Variants in MYH11 observed in about 807,000 individuals in gnomAD.
MYH11 encodes myosin-11.
A neutral mutation model predicts 246.6 loss-of-function variants in MYH11; 80 were observed. That is an observed-to-expected ratio of 0.32 (90% CI 0.27 to 0.39). MYH11 has a LOEUF of 0.39. MYH11 is among the 10% of genes least tolerant of loss of function. MYH11 has a pLI of 1.00. For synonymous variants in MYH11, 1,071 were observed against 1,015.5 expected (o/e 1.05, Z -1.04); for missense variants, 2,158 against 2,546.8 (o/e 0.85, Z 3.29).
chr16:15,794,216 G>A (rs1223860115), intron 4 of MYH11, among the ~76,000 whole-genome samples: 9 of 152,186 alleles, frequency 5.9e-5, no homozygotes, highest in Non-Finnish European at 1.0e-4. Context: ...AAAGTGCTGG[G>A]ATTACAGGCC....
At chr16:15,758,610 C>A (rs1464432985) in intron 12 of MYH11, among the ~76,000 whole-genome samples, 2 of 151,382 alleles carry the variant, frequency 1.3e-5, no homozygotes, top group African/African-American at 4.9e-5. Context: ...TTGAGACTAG[C>A]CTGGCCAACA....
In MYH11 at chr16:15,750,646, A is replaced by T. The variant is rs902395778; in HGVS notation, c.1865-315T>A. Among the ~76,000 whole-genome samples the T allele has an allele frequency of 1.3e-5, 2 of 152,110 alleles. No individual in the cohort carries two copies. The highest frequency in any genetic ancestry group is 4.8e-5 in the African/African-American group (2 of 41,412). ...CTCAGTCTCCCTTTCTACAAAAGGG[A>T]GGTAATAATACCGTCTACCTTCTAG... On this transcript the variant is annotated intron_variant, in intron 15 of 40. Coordinates refer to ENST00000300036, the MANE Select transcript of MYH11 (RefSeq NM_002474.3). This position sits in a 1 kb window ranked among gnomAD's most constrained non-coding sequence, Gnocchi z 4.3.
At chr16:15,732,107 A>G (rs2040980658) in intron 27 of MYH11, among the ~76,000 whole-genome samples, 1 of 151,196 alleles carries the variant, frequency 6.6e-6, no homozygotes, top group Non-Finnish European at 1.5e-5. Context: ...GATTACAGGC[A>G]TGCACCACCG....
chr16:15,766,939 C>T (rs564009980), intron 9 of MYH11, among the ~76,000 whole-genome samples: 35 of 152,190 alleles, frequency 2.3e-4, no homozygotes, highest in Non-Finnish European at 4.3e-4. Context: ...GCAAAGCACG[C>T]GCTCTGCAGT....
rs2042107902 is a variant in MYH11, at chr16:15,771,775, G to A, written c.890-63C>T. On this transcript the variant is annotated intron_variant, in intron 8 of 40. Coordinates refer to ENST00000300036, the MANE Select transcript of MYH11 (RefSeq NM_002474.3). ...ATACTTCTAATTTCAACATGAGACC[G>A]AGATCTGGTCAAGGGTCTGGGCCAT... 30 of 1,593,036 alleles carry A rather than the reference G, an allele frequency of 1.9e-5. No individual in the cohort carries two copies. In the South Asian group the frequency reaches 1.9e-4, roughly 10 times the overall value.
chr16:15,707,536 C>T (rs1221239063), intron 40 of MYH11, among the ~76,000 whole-genome samples: 5 of 152,170 alleles, frequency 3.3e-5, no homozygotes, highest in Non-Finnish European at 7.3e-5. Flanking sequence ...ATCTGCTCCC[C>T]CACAAAACTG....
intron 23 of MYH11, among the ~76,000 whole-genome samples, chr16:15,738,909 T>G (rs2041197095): frequency 6.6e-6 from 1 of 152,192 alleles, no homozygotes; most frequent in Admixed American, 6.5e-5. Context: ...TATGGTCAGC[T>G]AAAGGTACCC....
At position 15,712,882 on chromosome 16, in the gene MYH11, G is replaced by GTTTTTTTTTTTTTGTTTTTTTTTTTTTT. The variant is rs2039893465; in HGVS notation, c.5786+2026_5786+2027insAAAAAAAAAAAAAACAAAAAAAAAAAAA. ...GGGAACCAGCAACTCTTCACATACA[G>GTTTTTTTTTTTTTGTTTTTTTTTTTTTT]TTTTTTTTTTTTTGAGACCGAGTCT... On this transcript the variant is annotated intron_variant, in intron 40 of 40. Transcript: ENST00000300036. 4.4e-5 allele frequency: 4 copies of GTTTTTTTTTTTTTGTTTTTTTTTTTTTT among 90,632 alleles called. No individual in the cohort carries two copies. In the Admixed American group the frequency reaches 4.4e-4, roughly 10 times the overall value. 5.6% of individuals were successfully genotyped at this position (90,632 alleles called of 1,614,324 possible). A position where few individuals can be genotyped will look rare whatever the true frequency, so the allele number is the denominator to read the frequency against.
At chr16:15,833,377 G>GAGAGAGGGAGGAAGGAAGGA (rs2043798283) in intron 2 of MYH11, among the ~76,000 whole-genome samples, 1 of 50,930 alleles carries the variant, frequency 2.0e-5, no homozygotes. Context: ...GAGAGGGAGG[G>GAGAGAGGGAGGAAGGAAGGA]AGGGAGGGAG....
At chr16:15,807,366 G>A (rs1391794000) in intron 3 of MYH11, among the ~76,000 whole-genome samples, 2 of 152,114 alleles carry the variant, frequency 1.3e-5, no homozygotes, top group East Asian at 1.9e-4. Context: ...AGAAATGACC[G>A]TAAGAGATGA....
At chr16:15,787,056 G>A (rs536614746) in intron 4 of MYH11, among the ~76,000 whole-genome samples, 80 of 152,294 alleles carry the variant, frequency 5.3e-4, no homozygotes, top group Non-Finnish European at 8.5e-4. Context: ...AGGATCATTT[G>A]AGCCCAGGAG....
chr16:15,719,862 G>A lies in MYH11; in HGVS notation c.4954-149C>T, dbSNP rs1051829320. 1.7e-5 allele frequency: 21 copies of A among 1,206,574 alleles called. No homozygotes were observed. The African/African-American group carries it at 2.7e-4, about 16-fold the overall frequency. The allele number at this position is 1,206,574 out of a possible 1,614,324, so 74.7% of individuals were successfully genotyped here. ...GCACGAGCATGGCTCTCAGTTCCAG[G>A]TGGCTGGTGGTGCGCTGGGAGCACC... On this transcript the variant is annotated intron_variant, in intron 34 of 40. Coordinates refer to ENST00000300036, the MANE Select transcript of MYH11 (RefSeq NM_002474.3).
rs1191279805 is a variant in MYH11 at position 15,724,288 on chromosome 16, G to T, written c.4238C>A (p.Ala1413Asp). The change falls in exon 31 of 41, where the codon GCC becomes GAC. Residue 1413 changes from alanine (A) to aspartate (D), a missense_variant. Ala to Asp is a moderately radical substitution (Grantham distance 126). This residue lies in a region of MYH11 where 1,013 missense variants were observed against 993.5 expected (regional missense o/e 1.02). Coordinates refer to ENST00000300036, the MANE Select transcript of MYH11 (RefSeq NM_002474.3). ...GGTCTTTTCCAGTTTATCATAAGCG[G>T]CCGCCTTCTCCTCGTACTGCTGGGT... Reference protein sequence around the residue: ...NLTQQYEEKAAAYDKLEKTKN... With the variant: ...NLTQQYEEKADAYDKLEKTKN... 1 of 1,614,150 alleles carries T rather than the reference G, an allele frequency of 6.2e-7. No individual in the cohort carries two copies. Among genetic ancestry groups the T allele is most frequent in the Non-Finnish European group, 8.5e-7 (1 of 1,180,024 alleles).
chr16:15,784,719 C>T lies in MYH11; in HGVS notation c.633+1911G>A, dbSNP rs772565558. On this transcript the variant is annotated intron_variant, in intron 5 of 40. Transcript: ENST00000300036. ...TCACGTAGGCAAAAGATGGGCCTTGCTGTGGTTGAACAACACAGTATAAAA... is the reference window on the plus strand; with the variant it reads ...TCACGTAGGCAAAAGATGGGCCTTGTTGTGGTTGAACAACACAGTATAAAA... The T allele has an allele frequency of 1.2e-6, 2 of 1,613,904 alleles. No individual in the cohort carries two copies. Among genetic ancestry groups the T allele is most frequent in the East Asian group, 4.5e-5 (2 of 44,884 alleles).
intron 4 of MYH11, among the ~76,000 whole-genome samples, chr16:15,788,796 A>ATGTGTGTGTG (rs1491190476): frequency 8.4e-5 from 8 of 94,880 alleles, no homozygotes; most frequent in East Asian, 7.0e-4. Flanking sequence ...AGACCAGAAT[A>ATGTGTGTGTG]TATGTGTGTG....
intron 2 of MYH11, among the ~76,000 whole-genome samples, chr16:15,828,798 A>AG (rs1215555651): frequency 7.0e-6 from 1 of 142,064 alleles, no homozygotes; most frequent in East Asian, 2.0e-4. Flanking sequence ...AAAAAAAAAA[A>AG]AAAAAGAAGG....
chr16:15,721,368 A>T, intron 32 of MYH11, 54 bp downstream of exon 32: 11 of 1,574,430 alleles, frequency 7.0e-6, no homozygotes, highest in Non-Finnish European at 7.9e-6. Context: ...GGTGAATAGC[A>T]CAGAGGGTGG....
intron 2 of MYH11, among the ~76,000 whole-genome samples, chr16:15,830,581 T>C (rs1426161940): frequency 3.9e-5 from 6 of 151,968 alleles, no homozygotes; most frequent in Non-Finnish European, 8.8e-5. Flanking sequence ...TGCATGTGTA[T>C]AAAACATCAC....
chr16:15,810,474 C>T (rs978292520), intron 3 of MYH11, among the ~76,000 whole-genome samples: 5 of 152,202 alleles, frequency 3.3e-5, no homozygotes, highest in Non-Finnish European at 2.9e-5. Flanking sequence ...AACAGACACT[C>T]CTAGCACCTC....
Sources: gnomAD v4.1 joint callset for allele counts (sites outside exome capture counted in the v4.1 genomes callset) on GRCh38, gnomAD v4.1.1 for gene constraint, gnomAD v4.1.1 regional missense constraint, Gnocchi (gnomAD v3.1) non-coding constraint, MANE v1.5 for transcripts, NCBI Gene and HGNC (gene_info 2026-07-23, HGNC 2026-07-21) for gene names.